The following SLC13A4 variants were observed in gnomAD, a reference collection of about 807,000 sequenced individuals.
The protein encoded by SLC13A4 is solute carrier family 13 member 4, also known as Na(+)/sulfate cotransporter SUT-1.
SLC13A4 carries 28 observed loss-of-function variants against 72.7 expected under a neutral mutation model. That is an observed-to-expected ratio of 0.39 (90% CI 0.29 to 0.53). The LOEUF is 0.53. Ranked by LOEUF, SLC13A4 falls within the 20% of genes least tolerant of loss-of-function variation. SLC13A4 has a pLI of 0.78. For synonymous variants in SLC13A4, 312 were observed against 325.5 expected (o/e 0.96, Z 0.45); for missense variants, 653 against 788.0 (o/e 0.83, Z 2.05).
intron 2 of SLC13A4, among the ~76,000 whole-genome samples, chr7:135,713,115 C>T (rs1796339950): frequency 6.6e-6 from 1 of 152,176 alleles, no homozygotes; most frequent in Non-Finnish European, 1.5e-5. Flanking sequence ...TTTATAATTT[C>T]CCAGACTCAC....
At position 135,692,327 on chromosome 7, in the gene SLC13A4, C is replaced by T; in HGVS notation, c.1219G>A (p.Glu407Lys). Residue 407 changes from glutamate to lysine, a missense_variant, in exon 11 of 16, where the codon GAA becomes AAA. By Grantham distance (56) the Glu-to-Lys change is moderately conservative. Coordinates refer to ENST00000682651, the MANE Select transcript of SLC13A4 (RefSeq NM_001318192.2). ...GGAGGAAATGATATCACTTACTTTTCAAAGAAAGAATCCCAGCCAGGGACA... is the reference window on the plus strand; with the variant it reads ...GGAGGAAATGATATCACTTACTTTTTAAAGAAAGAATCCCAGCCAGGGACA... The part of the protein sequence containing the change: ...GFVPGWDSFF[E>K]KKGYRTDATV... 6.2e-7 allele frequency: 1 copy of T among 1,610,902 alleles called. No homozygotes were observed. The highest frequency in any genetic ancestry group is 1.1e-5 in the South Asian group (1 of 90,972).
intron 1 of SLC13A4, among the ~76,000 whole-genome samples, chr7:135,723,905 A>G (rs1418329467): frequency 6.6e-6 from 1 of 151,986 alleles, no homozygotes; most frequent in Non-Finnish European, 1.5e-5. Flanking sequence ...AACAGAACCA[A>G]TGGTGGAAAA....
Position 135,703,336 on chromosome 7 carries a change from CCATGTTCTCACTGGCTGACTCT to C in SLC13A4, c.594-474_594-453del, listed in dbSNP as rs1453391007. On this transcript the variant is annotated intron_variant, in intron 5 of 15. Transcript: ENST00000682651. Reference sequence around the variant, plus strand: ...TCTCTGGAAAGCCTATGCCCCCTGACCATGTTCTCACTGGCTGACTCTCATGTTCTCACTGGCTGACTCTCAT... The same window carrying C: ...TCTCTGGAAAGCCTATGCCCCCTGACCATGTTCTCACTGGCTGACTCTCAT... 152 of 166,996 alleles carry C rather than the reference CCATGTTCTCACTGGCTGACTCT, an allele frequency of 9.1e-4. 1 individual carries two copies. Among genetic ancestry groups the C allele is most frequent in the African/African-American group, 3.4e-3 (144 of 41,914 alleles). The allele number at this position is 166,996 out of a possible 1,614,324, so 10.3% of individuals were successfully genotyped here. A position where few individuals can be genotyped will look rare whatever the true frequency, so the allele number is the denominator to read the frequency against.
rs1796687632 is a variant in SLC13A4, at chr7:135,727,397, C to T, written c.99+1G>A. 4 of 1,549,076 alleles carry T rather than the reference C, an allele frequency of 2.6e-6. No homozygotes were observed. Among genetic ancestry groups the T allele is most frequent in the Non-Finnish European group, 2.6e-6 (3 of 1,146,808 alleles). Reference sequence around the variant, plus strand: ...CCCGGTGGGCGCAGGTCGGTACTCACGCTGCTGGGGTGGAGGACGGGCAGA... The same window carrying T: ...CCCGGTGGGCGCAGGTCGGTACTCATGCTGCTGGGGTGGAGGACGGGCAGA... On this transcript the variant is annotated splice_donor_variant, in intron 1 of 15. Transcript: ENST00000682651. LOFTEE classifies it high-confidence loss of function.
At chr7:135,703,121 T>G (rs569847380) in intron 5 of SLC13A4, 1 of 555,954 alleles carries the variant, frequency 1.8e-6, no homozygotes, top group Non-Finnish European at 3.2e-6. Context: ...TCCTTTGATA[T>G]TAACAATCGT....
chr7:135,689,467 G>T (rs1795724740), intron 13 of SLC13A4, among the ~76,000 whole-genome samples: 1 of 152,158 alleles, frequency 6.6e-6, no homozygotes, highest in Non-Finnish European at 1.5e-5. Flanking sequence ...AATCAGAGGT[G>T]AGAGATGGGG....
chr7:135,703,024 T>C, intron 5 of SLC13A4, 140 bp from the exon 6 acceptor site: 1 of 633,616 alleles, frequency 1.6e-6, no homozygotes, highest in South Asian at 1.9e-5. Context: ...AAGACTAATC[T>C]CTCCCTTGTC....
intron 2 of SLC13A4, among the ~76,000 whole-genome samples, chr7:135,714,693 G>T (rs114438497): frequency 0.024 from 3,650 of 152,316 alleles, 177 homozygotes; most frequent in African/African-American, 0.083. Context: ...TTTATGAAAT[G>T]CCCCCAGGCT....
intron 5 of SLC13A4, 175 bp from the exon 6 acceptor site, chr7:135,703,059 A>C: frequency 1.7e-6 from 1 of 599,800 alleles, no homozygotes; most frequent in South Asian, 2.0e-5. Context: ...AGATGCTGTA[A>C]GGATTAGTGG....
chr7:135,716,668 C>T (rs116041608), intron 2 of SLC13A4, among the ~76,000 whole-genome samples: 3,643 of 152,280 alleles, frequency 0.024, 173 homozygotes, highest in African/African-American at 0.083. Context: ...GGGTTAAGAG[C>T]TCAAGTTCTG....
At chr7:135,695,331 G>T in intron 9 of SLC13A4, 37 bp downstream of exon 9, 1 of 1,612,244 alleles carries the variant, frequency 6.2e-7, no homozygotes, top group Non-Finnish European at 8.5e-7. Context: ...TCAACAGGGG[G>T]GCTTCAGTGC....
rs367884198 is a variant in SLC13A4, at chr7:135,681,723, C to G, written c.1747-23G>C. The G allele has an allele frequency of 1.2e-6, 2 of 1,607,954 alleles. 1 individual carries two copies. The highest frequency in any genetic ancestry group is 3.3e-5 in the Admixed American group (2 of 59,792). On this transcript the variant is annotated intron_variant, in intron 15 of 15. Coordinates refer to ENST00000682651, the MANE Select transcript of SLC13A4 (RefSeq NM_001318192.2). ...CACCTGCAGGACACAAACCAGCACA[C>G]CCTAGTCACTCTGACCAGCAGCAGC...
Position 135,691,588 on chromosome 7 carries a change from G to A in SLC13A4, c.1281C>T (p.Leu427=). Residue 427 remains leucine (L), a synonymous_variant, in exon 12 of 16, where the codon CTC becomes CTT. Coordinates refer to ENST00000682651, the MANE Select transcript of SLC13A4 (RefSeq NM_001318192.2). The stretch of plus-strand genomic sequence containing the variant: ...CAAAGCAGGGCTTCTTCGCTGGAAT[G>A]AGGAAGAGGAGGAAGCCAAGGAAGA... ...VSVFLGFLLF[L]IPAKKPCFGK... 1.9e-6 allele frequency: 3 copies of A among 1,613,962 alleles called. No homozygotes were observed. The highest frequency in any genetic ancestry group is 8.5e-7 in the Non-Finnish European group (1 of 1,179,824).
intron 5 of SLC13A4, chr7:135,705,319 C>A: frequency 2.7e-6 from 1 of 373,040 alleles, no homozygotes; most frequent in Non-Finnish European, 4.9e-6. Flanking sequence ...GCTGTGTGGA[C>A]AGTTCATATA....
At chr7:135,722,365 G>A (rs1413659795) in intron 1 of SLC13A4, among the ~76,000 whole-genome samples, 1 of 152,230 alleles carries the variant, frequency 6.6e-6, no homozygotes, top group Non-Finnish European at 1.5e-5. Flanking sequence ...TGGCATTGGT[G>A]TGTGCCTGAC....
rs558541999 is a variant in SLC13A4 at position 135,686,080 on chromosome 7, C to G, written c.1447-397G>C. ...ATTCGACAATGCCCTTCACAGAGTGCCAAGTATAGCCATTTAATCTGCTTT... is the reference window on the plus strand; with the variant it reads ...ATTCGACAATGCCCTTCACAGAGTGGCAAGTATAGCCATTTAATCTGCTTT... On this transcript the variant is annotated intron_variant, in intron 13 of 15. Transcript: ENST00000682651. Among the ~76,000 whole-genome samples the G allele has an allele frequency of 2.5e-4, 38 of 152,300 alleles. No individual in the cohort carries two copies. The South Asian group carries it at 7.7e-3, about 31-fold the overall frequency.
chr7:135,706,012 G>A, intron 4 of SLC13A4, 116 bp downstream of exon 4: 1 of 969,358 alleles, frequency 1.0e-6, no homozygotes, highest in Non-Finnish European at 1.5e-6. Flanking sequence ...TGGGGGCATG[G>A]CTGAGGGGGT....
chr7:135,685,908 G>A (rs887445736), intron 13 of SLC13A4, among the ~76,000 whole-genome samples: 2 of 152,200 alleles, frequency 1.3e-5, no homozygotes, highest in Non-Finnish European at 2.9e-5. Flanking sequence ...TTTGGGTTTC[G>A]TCATGGGACA....
intron 13 of SLC13A4, 54 bp from the exon 14 acceptor site, chr7:135,685,737 A>G: frequency 1.3e-6 from 2 of 1,517,524 alleles, no homozygotes; most frequent in Admixed American, 3.4e-5. Flanking sequence ...CATCCCAGCT[A>G]GAGATCTTAG....
Sources: allele counts gnomAD v4.1 joint callset (sites outside exome capture counted in the v4.1 genomes callset), GRCh38; gene constraint gnomAD v4.1.1; transcripts MANE v1.5; gene names NCBI Gene and HGNC (gene_info 2026-07-23, HGNC 2026-07-21).